MARCHF1: variants seen among roughly 807,000 people sequenced by gnomAD.
MARCHF1 encodes the protein membrane associated ring-CH-type finger 1.
In MARCHF1, 40 loss-of-function variants were observed where a neutral mutation model predicts 54.2. The ratio of observed to expected loss-of-function variants is 0.74; its 90% CI spans 0.57 to 0.96. The LOEUF is 0.96. Ranked by LOEUF, MARCHF1 falls within the 40% of genes least tolerant of loss-of-function variation. The pLI is 0.00. For missense variants in MARCHF1, 586 were observed against 656.5 expected (o/e 0.89, Z 1.17); for synonymous variants, 236 against 236.3 (o/e 1.00, Z 0.01).
chr4:163,696,191 A>C (rs1240621871), intron 5 of MARCHF1, among the ~76,000 whole-genome samples: 1 of 152,188 alleles, frequency 6.6e-6, no homozygotes, highest in Non-Finnish European at 1.5e-5. Context: ...AAGGACCATA[A>C]AATTCAAAGT....
chr4:164,283,876 T>C (rs749293215), intron 1 of MARCHF1, among the ~76,000 whole-genome samples: 6 of 151,038 alleles, frequency 4.0e-5, no homozygotes, highest in Non-Finnish European at 8.8e-5. Context: ...TGATTTGATC[T>C]AATGTATTCT....
chr4:164,381,285 A>G (rs1425627909), intron 1 of MARCHF1, among the ~76,000 whole-genome samples: 4 of 152,358 alleles, frequency 2.6e-5, no homozygotes, highest in East Asian at 3.9e-4. Flanking sequence ...AATACTCTCT[A>G]GTTCAAGGAC....
intron 4 of MARCHF1, among the ~76,000 whole-genome samples, chr4:163,822,820 C>T (rs1748732654): frequency 6.6e-6 from 1 of 151,742 alleles, no homozygotes; most frequent in Non-Finnish European, 1.5e-5. Flanking sequence ...ACCAGGAGGT[C>T]TTGTTTCTAA....
intron 4 of MARCHF1, among the ~76,000 whole-genome samples, chr4:163,784,175 C>A (rs1434090022): frequency 6.8e-6 from 1 of 147,878 alleles, no homozygotes; most frequent in African/African-American, 2.5e-5. Context: ...TGGATAGTTT[C>A]AATTGACAAC....
chr4:164,197,662 G>A, intron 1 of MARCHF1: 1 of 1,612,714 alleles, frequency 6.2e-7, no homozygotes, highest in Non-Finnish European at 8.5e-7. Context: ...TTTCACATCA[G>A]AGGGCGCCCT....
intron 3 of MARCHF1, among the ~76,000 whole-genome samples, chr4:163,869,002 T>C (rs1192486085): frequency 7.0e-6 from 1 of 143,472 alleles, no homozygotes; most frequent in Non-Finnish European, 1.5e-5. Context: ...CCATTTACAA[T>C]GTGTCTAACA....
At chr4:164,132,876 A>T (rs141563813) in intron 1 of MARCHF1, among the ~76,000 whole-genome samples, 162 of 152,196 alleles carry the variant, frequency 1.1e-3, no homozygotes, top group African/African-American at 3.8e-3. Flanking sequence ...TTCTTTAAAA[A>T]TATATATTAT....
At chr4:164,230,079 C>A (rs1430494024) in intron 1 of MARCHF1, among the ~76,000 whole-genome samples, 1 of 152,000 alleles carries the variant, frequency 6.6e-6, no homozygotes, top group African/African-American at 2.4e-5. Context: ...GCTCCCAGTC[C>A]CCAGTTAAGC....
intron 4 of MARCHF1, among the ~76,000 whole-genome samples, chr4:163,708,364 T>C (rs1561030890): frequency 6.6e-6 from 1 of 152,128 alleles, no homozygotes; most frequent in South Asian, 2.1e-4. Context: ...GTTACCTAGT[T>C]AATGATCTTT....
intron 3 of MARCHF1, among the ~76,000 whole-genome samples, chr4:163,924,310 C>T (rs1391280183): frequency 3.3e-5 from 5 of 151,970 alleles, no homozygotes; most frequent in African/African-American, 4.8e-5. Flanking sequence ...GGACTTTTGA[C>T]ATGTGAAGAA....
intron 1 of MARCHF1, among the ~76,000 whole-genome samples, chr4:164,327,721 A>C (rs950721256): frequency 6.6e-6 from 1 of 152,216 alleles, no homozygotes; most frequent in East Asian, 1.9e-4. Flanking sequence ...GGAAAAACAT[A>C]CAACAATAAA....
chr4:163,925,137 C>A (rs895936731), intron 3 of MARCHF1, among the ~76,000 whole-genome samples: 2 of 151,728 alleles, frequency 1.3e-5, no homozygotes, highest in East Asian at 1.9e-4. Context: ...GTTGGCCAAA[C>A]GCTGGCATTT....
rs1430076048 is a variant in MARCHF1, at chr4:163,824,251, CTTATT to C, written c.111+29765_111+29769del. ...ACATAAATTAAAGTCCTAGGCTAGGCTTATTTTATTTTTTATACCAAATCTGGTGC... is the reference window on the plus strand; with the variant it reads ...ACATAAATTAAAGTCCTAGGCTAGGCTTATTTTTTATACCAAATCTGGTGC... On this transcript the variant is annotated intron_variant, in intron 4 of 9. Coordinates refer to ENST00000514618, the MANE Select transcript of MARCHF1 (RefSeq NM_001394959.1). Among the ~76,000 whole-genome samples the C allele has an allele frequency of 3.9e-5, 6 of 151,974 alleles. No individual in the cohort carries two copies. In the East Asian group the frequency reaches 9.6e-4, roughly 24 times the overall value.
Position 164,048,979 on chromosome 4 carries a change from G to A in MARCHF1, c.-247-60270C>T, listed in dbSNP as rs111412995. Among the ~76,000 whole-genome samples the A allele has an allele frequency of 9.0e-3, 1,371 of 152,150 alleles. 17 individuals carry two copies. The highest frequency in any genetic ancestry group is 0.014 in the Middle Eastern group (4 of 294). ...GATAATAACTATGCTGATTATTAGA[G>A]GCCAATTTAACACTGATAGATGGCA... is the stretch of plus-strand genomic sequence containing the variant. On this transcript the variant is annotated intron_variant, in intron 2 of 9. Transcript: ENST00000514618.
chr4:163,953,733 T>C (rs1050952506), intron 3 of MARCHF1, among the ~76,000 whole-genome samples: 1 of 152,170 alleles, frequency 6.6e-6, no homozygotes, highest in African/African-American at 2.4e-5. Flanking sequence ...TTTTACACTT[T>C]TAAGGGGTTA....
chr4:164,288,200 T>C (rs2111357630), intron 1 of MARCHF1, among the ~76,000 whole-genome samples: 1 of 123,074 alleles, frequency 8.1e-6, no homozygotes, highest in Admixed American at 8.5e-5. Context: ...TAGCCAGTGA[T>C]ACTGTGCAAA....
intron 2 of MARCHF1, among the ~76,000 whole-genome samples, chr4:164,019,378 C>G (rs574553485): frequency 6.6e-6 from 1 of 152,114 alleles, no homozygotes; most frequent in African/African-American, 2.4e-5. Flanking sequence ...TTTAGTAAAA[C>G]CATTTTGAGA....
At chr4:164,257,216 G>A (rs937703140) in intron 1 of MARCHF1, among the ~76,000 whole-genome samples, 15 of 151,888 alleles carry the variant, frequency 9.9e-5, no homozygotes, top group Non-Finnish European at 2.1e-4. Context: ...GAAGCTAAAG[G>A]TGCCTATTCA....
At chr4:164,111,194 A>G (rs1347915463) in intron 2 of MARCHF1, among the ~76,000 whole-genome samples, 5 of 151,772 alleles carry the variant, frequency 3.3e-5, no homozygotes, top group Admixed American at 6.6e-5. Flanking sequence ...GATGGTCCAT[A>G]TTTAGCTACC....
Sources: allele counts gnomAD v4.1 joint callset (sites outside exome capture counted in the v4.1 genomes callset), GRCh38; gene constraint gnomAD v4.1.1; transcripts MANE v1.5; gene names NCBI Gene and HGNC (gene_info 2026-07-23, HGNC 2026-07-21).